The following GRM8 variants were observed in gnomAD, a reference collection of about 807,000 sequenced individuals.
GRM8 encodes the protein glutamate metabotropic receptor 8, also known as metabotropic glutamate receptor 8.
Under a neutral mutation model 87.2 loss-of-function variants are expected in GRM8, and 47 were observed. The observed-to-expected ratio is 0.54, with a 90% CI of 0.43 to 0.69. The LOEUF is 0.69. GRM8 is among the 30% of genes least tolerant of loss of function. The pLI, the probability that GRM8 is intolerant of heterozygous loss-of-function variation, is 0.00. For missense variants in GRM8, 1,019 were observed against 1,139.2 expected (o/e 0.89, Z 1.52); for synonymous variants, 396 against 404.5 (o/e 0.98, Z 0.25).
At chr7:126,507,599 T>C (rs1276230603) in intron 9 of GRM8, among the ~76,000 whole-genome samples, 3 of 152,090 alleles carry the variant, frequency 2.0e-5, no homozygotes, top group Non-Finnish European at 4.4e-5. Flanking sequence ...ATTGATTCTT[T>C]ACTGGTACTT....
At chr7:126,633,198 A>G (rs904117197) in intron 7 of GRM8, among the ~76,000 whole-genome samples, 1 of 152,102 alleles carries the variant, frequency 6.6e-6, no homozygotes, top group African/African-American at 2.4e-5. Flanking sequence ...GCTGACCACA[A>G]TGCTTTCCCC....
intron 2 of GRM8, among the ~76,000 whole-genome samples, chr7:127,224,948 T>C (rs1238981073): frequency 3.3e-5 from 5 of 152,108 alleles, no homozygotes; most frequent in African/African-American, 1.2e-4. Flanking sequence ...CTGGACCTAA[T>C]AAAATGACAA....
intron 3 of GRM8, among the ~76,000 whole-genome samples, chr7:126,928,528 C>T (rs1403939090): frequency 2.6e-5 from 4 of 151,836 alleles, no homozygotes; most frequent in Non-Finnish European, 5.9e-5. Context: ...AAAAATTAAC[C>T]GGGTATGGTG....
Position 126,744,763 on chromosome 7 carries a change from A to G in GRM8, c.1357+25102T>C, listed in dbSNP as rs149611818. Reference sequence around the variant, plus strand: ...TACAACTAGATATGTGTCAGACCAGATTTCTTTACATTCCTCACCCAGAAC... The same window carrying G: ...TACAACTAGATATGTGTCAGACCAGGTTTCTTTACATTCCTCACCCAGAAC... On this transcript the variant is annotated intron_variant, in intron 7 of 10. Transcript: ENST00000339582. Among the ~76,000 whole-genome samples the G allele has an allele frequency of 2.0e-5, 3 of 152,060 alleles. No individual in the cohort carries two copies. In the East Asian group the frequency reaches 5.8e-4, roughly 29 times the overall value.
chr7:126,970,499 TTGAGGAGAG>T (rs773870393), intron 3 of GRM8, among the ~76,000 whole-genome samples: 35 of 152,262 alleles, frequency 2.3e-4, no homozygotes, highest in Non-Finnish European at 4.0e-4. Flanking sequence ...CTTTATAAAA[TTGAGGAGAG>T]TCAGGGCCTT....
At chr7:126,735,280 G>C (rs1028376242) in intron 7 of GRM8, among the ~76,000 whole-genome samples, 5 of 152,092 alleles carry the variant, frequency 3.3e-5, no homozygotes, top group Middle Eastern at 3.4e-3. Flanking sequence ...AAGAAAAATA[G>C]GCAAAGTAAT....
intron 3 of GRM8, among the ~76,000 whole-genome samples, chr7:126,962,251 A>G (rs1410873233): frequency 6.6e-6 from 1 of 152,228 alleles, no homozygotes; most frequent in African/African-American, 2.4e-5. Context: ...TGAGGCTTGG[A>G]TAGATTAAGT....
intron 3 of GRM8, among the ~76,000 whole-genome samples, chr7:126,973,064 C>T (rs947500484): frequency 1.3e-5 from 2 of 152,054 alleles, no homozygotes; most frequent in Non-Finnish European, 2.9e-5. Context: ...GTCTTGTATT[C>T]CTATTGCAGG....
chr7:127,190,197 T>A (rs1794948656), intron 2 of GRM8, among the ~76,000 whole-genome samples: 1 of 152,208 alleles, frequency 6.6e-6, no homozygotes, highest in East Asian at 1.9e-4. Context: ...GAAGAGAAGC[T>A]TGCCACTAGA....
intron 7 of GRM8, among the ~76,000 whole-genome samples, chr7:126,690,803 A>G (rs1808721591): frequency 6.6e-6 from 1 of 152,120 alleles, no homozygotes; most frequent in Non-Finnish European, 1.5e-5. Flanking sequence ...AGGGCATCCC[A>G]TTGTCTGCTC....
intron 7 of GRM8, among the ~76,000 whole-genome samples, chr7:126,742,012 C>T (rs1313252608): frequency 2.6e-5 from 4 of 151,942 alleles, no homozygotes; most frequent in African/African-American, 7.2e-5. Flanking sequence ...CACCAAAATC[C>T]GAGATATTAA....
chr7:126,562,140 T>G (rs1345333272), intron 8 of GRM8, among the ~76,000 whole-genome samples: 1 of 152,074 alleles, frequency 6.6e-6, no homozygotes, highest in Non-Finnish European at 1.5e-5. Context: ...AAATTAGACA[T>G]GATAAAACCA....
At chr7:127,012,373 T>A (rs1814982838) in intron 3 of GRM8, among the ~76,000 whole-genome samples, 1 of 152,098 alleles carries the variant, frequency 6.6e-6, no homozygotes, top group African/African-American at 2.4e-5. Flanking sequence ...GAAGAGCAAG[T>A]CTCTCAGAGC....
chr7:127,226,486 C>T (rs1295868718), intron 2 of GRM8, among the ~76,000 whole-genome samples: 1 of 152,124 alleles, frequency 6.6e-6, no homozygotes, highest in Non-Finnish European at 1.5e-5. Context: ...GGTATATTTG[C>T]AGACAAAACC....
intron 7 of GRM8, among the ~76,000 whole-genome samples, chr7:126,703,805 T>C (rs1810200333): frequency 2.0e-5 from 3 of 152,170 alleles, no homozygotes; most frequent in African/African-American, 7.2e-5. Context: ...CAAGCAATCC[T>C]CCAGCCTTGG....
At chr7:126,824,790 T>A (rs1335714554) in intron 6 of GRM8, among the ~76,000 whole-genome samples, 1 of 152,250 alleles carries the variant, frequency 6.6e-6, no homozygotes, top group African/African-American at 2.4e-5. Context: ...TAGTGACTAA[T>A]AAATTTTTTG....
At chr7:126,868,480 G>A (rs1264688582) in intron 6 of GRM8, among the ~76,000 whole-genome samples, 1 of 152,222 alleles carries the variant, frequency 6.6e-6, no homozygotes, top group Non-Finnish European at 1.5e-5. Flanking sequence ...TGTTGGAAGA[G>A]AGAAATGGTA....
At chr7:126,625,864 C>A in intron 7 of GRM8, among the ~76,000 whole-genome samples, 1 of 151,920 alleles carries the variant, frequency 6.6e-6, no homozygotes, top group African/African-American at 2.4e-5. Context: ...GGTAATATAT[C>A]TTAAAATGAA....
intron 10 of GRM8, among the ~76,000 whole-genome samples, chr7:126,443,078 T>C (rs1253203017): frequency 6.6e-6 from 1 of 152,012 alleles, no homozygotes; most frequent in Non-Finnish European, 1.5e-5. Flanking sequence ...AACAGTAAAT[T>C]AATTTCCTTG....
Sources: allele counts gnomAD v4.1 joint callset (sites outside exome capture counted in the v4.1 genomes callset), GRCh38; gene constraint gnomAD v4.1.1; transcripts MANE v1.5; gene names NCBI Gene and HGNC (gene_info 2026-07-23, HGNC 2026-07-21).